VIPR2: variants seen among roughly 807,000 people sequenced by gnomAD.
VIPR2 encodes the protein vasoactive intestinal polypeptide receptor 2.
A neutral mutation model predicts 58.0 loss-of-function variants in VIPR2; 48 were observed. The ratio of observed to expected loss-of-function variants is 0.83; its 90% CI spans 0.66 to 1.05. The LOEUF is 1.05. Ranked by LOEUF, VIPR2 falls within the 50% of genes least tolerant of loss-of-function variation. The pLI, the probability that VIPR2 is intolerant of heterozygous loss-of-function variation, is 0.00. For missense variants in VIPR2, 534 were observed against 558.0 expected (o/e 0.96, Z 0.43); for synonymous variants, 243 against 235.2 (o/e 1.03, Z -0.30).
chr7:159,030,865 G>A, intron 12 of VIPR2, 76 bp from the exon 13 acceptor site: 9 of 1,420,604 alleles, frequency 6.3e-6, no homozygotes, highest in Admixed American at 2.8e-5. Context: ...CGCGGCCCGC[G>A]AGCCTCCAGC....
At chr7:159,042,924 C>G in intron 6 of VIPR2, 111 bp downstream of exon 6, 1 of 1,396,780 alleles carries the variant, frequency 7.2e-7, no homozygotes, top group South Asian at 1.5e-5. Context: ...CAGCCATGAC[C>G]CTGTGCCCTG....
At chr7:159,069,522 G>C (rs748887827) in intron 4 of VIPR2, among the ~76,000 whole-genome samples, 1 of 152,114 alleles carries the variant, frequency 6.6e-6, no homozygotes, top group African/African-American at 2.4e-5. Context: ...GGGTCTTCAG[G>C]CTTTTTGAAT....
chr7:159,124,711 T>C (rs1391543555), intron 2 of VIPR2, among the ~76,000 whole-genome samples: 1 of 152,220 alleles, frequency 6.6e-6, no homozygotes, highest in African/African-American at 2.4e-5. Flanking sequence ...AGGAATAGCA[T>C]TGAATCTATA....
intron 5 of VIPR2, among the ~76,000 whole-genome samples, chr7:159,044,426 CA>C (rs1288592122): frequency 6.6e-6 from 1 of 151,330 alleles, no homozygotes; most frequent in Non-Finnish European, 1.5e-5. Context: ...AAATATAAAG[CA>C]AAAAATAATA....
chr7:159,126,716 C>T (rs959617038), intron 2 of VIPR2, among the ~76,000 whole-genome samples: 1 of 152,212 alleles, frequency 6.6e-6, no homozygotes, highest in Non-Finnish European at 1.5e-5. Flanking sequence ...CTACTGTCCA[C>T]AGAGGCAGAA....
At chr7:159,059,527 A>T (rs1563282396) in intron 4 of VIPR2, among the ~76,000 whole-genome samples, 1 of 152,228 alleles carries the variant, frequency 6.6e-6, no homozygotes, top group Non-Finnish European at 1.5e-5. Flanking sequence ...TTGGCTCTTA[A>T]GTATAACTTT....
In VIPR2 at chr7:159,031,869, C is replaced by T. The variant is rs752939094; in HGVS notation, c.1102G>A (p.Gly368Ser). 123 of 1,613,970 alleles carry T rather than the reference C, an allele frequency of 7.6e-5. No individual in the cohort carries two copies. The highest frequency in any genetic ancestry group is 1.0e-4 in the Non-Finnish European group (122 of 1,180,040). Residue 368 changes from glycine (G) to serine (S), a missense_variant and splice_region_variant, in exon 12 of 13, where the codon GGC becomes AGC. Physicochemically the swap from Gly to Ser is moderately conservative, Grantham distance 56. This residue lies in a region of VIPR2 where 306 missense variants were observed against 285.8 expected (regional missense o/e 1.07). Transcript: ENST00000262178. This position sits in a 1 kb window ranked among gnomAD's most constrained non-coding sequence, Gnocchi z 4.0. ...LFELCLGSFQ[G>S]LVVAVLYCFL... Reference sequence around the variant, plus strand: ...CAGTAGAGGACGGCCACCACCAGGCCCTGCAATGAGAAGAGATGGTCAGGC... The same window carrying T: ...CAGTAGAGGACGGCCACCACCAGGCTCTGCAATGAGAAGAGATGGTCAGGC...
chr7:159,035,610 C>T (rs1853890238), intron 8 of VIPR2: 19 of 890,608 alleles, frequency 2.1e-5, no homozygotes, highest in South Asian at 1.0e-4. Context: ...CCTGACCTTC[C>T]ACTTTGCTCC....
chr7:159,064,593 G>A (rs1462298505), intron 4 of VIPR2, among the ~76,000 whole-genome samples: 2 of 152,160 alleles, frequency 1.3e-5, no homozygotes, highest in African/African-American at 4.8e-5. Context: ...TCAGCAGCAG[G>A]AGTACAGGGC....
intron 5 of VIPR2, among the ~76,000 whole-genome samples, chr7:159,045,783 A>C (rs777348479): frequency 3.5e-4 from 54 of 152,214 alleles, no homozygotes; most frequent in Non-Finnish European, 6.3e-4. Context: ...CTTCATCAAC[A>C]TTAAAAACTT....
intron 5 of VIPR2, among the ~76,000 whole-genome samples, chr7:159,054,847 T>C (rs1855214116): frequency 6.6e-6 from 1 of 152,246 alleles, no homozygotes; most frequent in African/African-American, 2.4e-5. Context: ...ATCTATGTGG[T>C]ATGATGATCC....
chr7:159,102,219 A>G (rs1004316855), intron 4 of VIPR2, among the ~76,000 whole-genome samples: 1 of 151,460 alleles, frequency 6.6e-6, no homozygotes, highest in African/African-American at 2.4e-5. Flanking sequence ...GGGTCTCAGA[A>G]GATCCGATGA....
chr7:159,068,206 AG>A (rs1218027333), intron 4 of VIPR2, among the ~76,000 whole-genome samples: 2 of 152,210 alleles, frequency 1.3e-5, no homozygotes, highest in African/African-American at 2.4e-5. Flanking sequence ...CCAAAGCAGC[AG>A]GTCCTCACTT....
At chr7:159,034,807 A>G (rs867569075) in intron 8 of VIPR2, among the ~76,000 whole-genome samples, 157 bp from the exon 9 acceptor site, 2 of 152,074 alleles carry the variant, frequency 1.3e-5, no homozygotes, top group Non-Finnish European at 1.5e-5. Context: ...TGTCCCAGGG[A>G]GTGATTGTGT....
chr7:159,069,289 G>A (rs145809332), intron 4 of VIPR2, among the ~76,000 whole-genome samples: 108 of 152,196 alleles, frequency 7.1e-4, no homozygotes, highest in African/African-American at 2.3e-3. Context: ...CAGGCGCTCC[G>A]AGTGAGGGTT....
intron 4 of VIPR2, among the ~76,000 whole-genome samples, chr7:159,059,853 C>A (rs563553365): frequency 1.3e-5 from 2 of 150,414 alleles, no homozygotes; most frequent in East Asian, 4.0e-4. Flanking sequence ...AACCACAAGT[C>A]TCATCTAACC....
intron 4 of VIPR2, among the ~76,000 whole-genome samples, chr7:159,084,095 A>G (rs1308019473): frequency 6.6e-6 from 1 of 152,236 alleles, no homozygotes; most frequent in Non-Finnish European, 1.5e-5. Flanking sequence ...GTCTTAACCA[A>G]TGCCACTTTG....
intron 3 of VIPR2, 83 bp downstream of exon 3, chr7:159,109,729 G>A (rs1347003613): frequency 1.5e-6 from 2 of 1,306,390 alleles, no homozygotes; most frequent in Non-Finnish European, 1.1e-6. Flanking sequence ...GGAAAGTGAT[G>A]TTCCTGCTTC....
chr7:159,062,710 G>A (rs1290446581), intron 4 of VIPR2, among the ~76,000 whole-genome samples: 3 of 152,080 alleles, frequency 2.0e-5, no homozygotes, highest in Admixed American at 1.3e-4. Flanking sequence ...AAGGGCAAAA[G>A]AACACGACTG....
Sources: allele counts gnomAD v4.1 joint callset (sites outside exome capture counted in the v4.1 genomes callset), GRCh38; gene constraint gnomAD v4.1.1; regional missense constraint gnomAD v4.1.1; non-coding constraint Gnocchi (gnomAD v3.1); transcripts MANE v1.5; gene names NCBI Gene and HGNC (gene_info 2026-07-23, HGNC 2026-07-21).